PCDH15: variants seen among roughly 807,000 people sequenced by gnomAD.
PCDH15 encodes protocadherin-15.
Under a neutral mutation model 178.5 loss-of-function variants are expected in PCDH15, and 129 were observed. That is an observed-to-expected ratio of 0.72 (90% CI 0.63 to 0.84). The LOEUF (loss-of-function observed/expected upper bound fraction) is 0.84, where lower values mean the gene tolerates loss of function less well. PCDH15 is among the 40% of genes least tolerant of loss of function. The pLI, the probability that PCDH15 is intolerant of heterozygous loss-of-function variation, is 0.00. For missense variants in PCDH15, 2,230 were observed against 2,099.9 expected, an observed-to-expected ratio of 1.06 and a Z score of -1.21; for synonymous variants, 800 against 732.0, an observed-to-expected ratio of 1.09 and a Z score of -1.50.
chr10:55,541,236 C>A (rs1303903684), intron 2 of PCDH15, among the ~76,000 whole-genome samples: 1 of 151,886 alleles, frequency 6.6e-6, no homozygotes, highest in Non-Finnish European at 1.5e-5. Flanking sequence ...CTGTTCTAAT[C>A]AATAAAGCCA....
At chr10:55,136,956 G>T (rs2132083763) in intron 2 of PCDH15, among the ~76,000 whole-genome samples, 2 of 152,228 alleles carry the variant, frequency 1.3e-5, no homozygotes, top group East Asian at 1.9e-4. Flanking sequence ...TGAAAATAAA[G>T]GTAGTCATGT....
intron 2 of PCDH15, among the ~76,000 whole-genome samples, chr10:55,511,038 T>G (rs939066008): frequency 2.0e-5 from 3 of 150,738 alleles, no homozygotes; most frequent in Non-Finnish European, 4.4e-5. Flanking sequence ...TTGTTTTTTT[T>G]GTTTGTTTGT....
intron 2 of PCDH15, among the ~76,000 whole-genome samples, chr10:54,541,126 A>C (rs1188373988): frequency 6.6e-6 from 1 of 152,076 alleles, no homozygotes; most frequent in Non-Finnish European, 1.5e-5. Flanking sequence ...CTCCATTCTC[A>C]CCACTTCTAT....
At chr10:54,308,262 T>C (rs1329861907) in intron 8 of PCDH15, among the ~76,000 whole-genome samples, 1 of 152,082 alleles carries the variant, frequency 6.6e-6, no homozygotes, top group African/African-American at 2.4e-5. Context: ...CTTGACATCT[T>C]TTACTTTTGT....
chr10:54,278,582 A>C (rs1218695007), intron 8 of PCDH15, among the ~76,000 whole-genome samples: 2 of 151,538 alleles, frequency 1.3e-5, no homozygotes, highest in East Asian at 3.9e-4. Flanking sequence ...CAGAGAAAAA[A>C]ATAGAACCCA....
chr10:55,154,161 A>C (rs1838818973), intron 2 of PCDH15, among the ~76,000 whole-genome samples: 1 of 152,142 alleles, frequency 6.6e-6, no homozygotes, highest in Non-Finnish European at 1.5e-5. Flanking sequence ...CTAGGAGATA[A>C]ATTGTTAAAG....
Position 54,440,295 on chromosome 10 carries a change from G to C in PCDH15, c.158-61353C>G, listed in dbSNP as rs142982398. Among the ~76,000 whole-genome samples the C allele has an allele frequency of 4.6e-5, 7 of 151,926 alleles. No individual in the cohort carries two copies. The East Asian group carries it at 1.4e-3, about 29-fold the overall frequency. On this transcript the variant is annotated intron_variant, in intron 3 of 37. Coordinates refer to ENST00000644397, the MANE Select transcript of PCDH15 (RefSeq NM_001384140.1). ...AATAAGCTATTTGCAGGTGGCTTTT[G>C]GGCAGAAGGTAAAATAGTTTCAAAA...
intron 1 of PCDH15, among the ~76,000 whole-genome samples, chr10:55,287,684 T>C (rs1315416143): frequency 6.6e-6 from 1 of 152,032 alleles, no homozygotes. Flanking sequence ...AGTGTGTGTG[T>C]ATGTGTGTGT....
chr10:55,310,792 C>A (rs1843566909), intron 1 of PCDH15, among the ~76,000 whole-genome samples: 1 of 152,140 alleles, frequency 6.6e-6, no homozygotes, highest in African/African-American at 2.4e-5. Flanking sequence ...CCAAATACTG[C>A]ATGTTCTCAA....
intron 4 of PCDH15, among the ~76,000 whole-genome samples, chr10:54,374,727 T>A (rs972676762): frequency 6.6e-6 from 1 of 152,006 alleles, no homozygotes; most frequent in African/African-American, 2.4e-5. Context: ...GACATAAAAA[T>A]AAATGATGAC....
intron 1 of PCDH15, among the ~76,000 whole-genome samples, chr10:54,706,364 G>A (rs2095364712): frequency 6.6e-6 from 1 of 152,110 alleles, no homozygotes; most frequent in Non-Finnish European, 1.5e-5. Context: ...AAAAATGAGT[G>A]TATTGGGTTT....
At chr10:54,950,831 A>T (rs906691581) in intron 2 of PCDH15, among the ~76,000 whole-genome samples, 5 of 151,946 alleles carry the variant, frequency 3.3e-5, no homozygotes, top group African/African-American at 1.2e-4. Context: ...GACATAGTCA[A>T]ACTATATCTG....
chr10:53,991,000 C>T (rs2091436667), intron 21 of PCDH15, among the ~76,000 whole-genome samples: 1 of 152,114 alleles, frequency 6.6e-6, no homozygotes, highest in South Asian at 2.1e-4. Flanking sequence ...CACTGCCCGC[C>T]CGCCCACGCT....
At chr10:54,800,742 T>C (rs1185103203) in intron 1 of PCDH15, among the ~76,000 whole-genome samples, 183 bp downstream of exon 1, 1 of 152,172 alleles carries the variant, frequency 6.6e-6, no homozygotes, top group African/African-American at 2.4e-5. Context: ...GGACAGGCAG[T>C]TGTGTTCACT....
intron 2 of PCDH15, among the ~76,000 whole-genome samples, chr10:55,573,964 A>G (rs1842453091): frequency 6.6e-6 from 1 of 151,960 alleles, no homozygotes; most frequent in Non-Finnish European, 1.5e-5. Context: ...GCTAGGTCAT[A>G]GTGTGGTATC....
At chr10:55,076,166 G>C (rs1025436024) in intron 2 of PCDH15, among the ~76,000 whole-genome samples, 1 of 152,098 alleles carries the variant, frequency 6.6e-6, no homozygotes, top group Non-Finnish European at 1.5e-5. Flanking sequence ...GCCTATTCTA[G>C]AGACTGTTCC....
At chr10:55,579,893 G>T (rs1334802570) in intron 2 of PCDH15, among the ~76,000 whole-genome samples, 1 of 152,030 alleles carries the variant, frequency 6.6e-6, no homozygotes. Flanking sequence ...TTTCGCTCTT[G>T]TTGTCCAGGC....
chr10:54,799,509 C>A (rs967974692), intron 1 of PCDH15, among the ~76,000 whole-genome samples: 2 of 151,830 alleles, frequency 1.3e-5, no homozygotes, highest in African/African-American at 4.8e-5. Context: ...AACTTCATGC[C>A]ATAATTTTCC....
chr10:54,750,595 C>A (rs895026817), intron 1 of PCDH15, among the ~76,000 whole-genome samples: 3 of 152,068 alleles, frequency 2.0e-5, no homozygotes, highest in Non-Finnish European at 2.9e-5. Context: ...AAGTTGGAGG[C>A]AATTCAAACA....
Sources: allele counts gnomAD v4.1 joint callset (sites outside exome capture counted in the v4.1 genomes callset), GRCh38; gene constraint gnomAD v4.1.1; transcripts MANE v1.5; gene names NCBI Gene and HGNC (gene_info 2026-07-23, HGNC 2026-07-21).